KLHL24: variants seen among roughly 807,000 people sequenced by gnomAD.
KLHL24 encodes kelch-like protein 24.
KLHL24 carries 29 observed loss-of-function variants against 53.4 expected under a neutral mutation model. That is an observed-to-expected ratio of 0.54 (90% confidence interval 0.40 to 0.74). KLHL24 has a LOEUF of 0.74. Among genes scored for constraint, KLHL24 ranks in the 30% least tolerant of loss-of-function variants. The probability of loss-of-function intolerance (pLI) is 0.00; values close to 1 mark genes in which losing one functional copy is unlikely to be tolerated. For synonymous variants in KLHL24, 222 were observed against 253.7 expected (o/e 0.88, Z 1.19); for missense variants, 504 against 744.0 (o/e 0.68, Z 3.75).
intron 1 of KLHL24, among the ~76,000 whole-genome samples, chr3:183,640,312 G>A (rs1716175658): frequency 1.3e-5 from 2 of 152,168 alleles, no homozygotes; most frequent in Non-Finnish European, 2.9e-5. Flanking sequence ...TCGAGGGAGA[G>A]AAACACTGGA....
chr3:183,669,363 T>G (rs1721024461), intron 5 of KLHL24, among the ~76,000 whole-genome samples: 1 of 151,728 alleles, frequency 6.6e-6, no homozygotes, highest in African/African-American at 2.4e-5. Context: ...AAAAAAAAAA[T>G]TATAAAATTG....
At chr3:183,671,783 G>GATT (rs1721362063) in intron 6 of KLHL24, among the ~76,000 whole-genome samples, 1 of 152,160 alleles carries the variant, frequency 6.6e-6, no homozygotes, top group African/African-American at 2.4e-5. Flanking sequence ...AGCTGGTTTA[G>GATT]CACTGTTAAC....
rs1420858788 is a variant in KLHL24, at chr3:183,651,112, G to A, written c.756G>A (p.Leu252=). 2 of 1,614,140 alleles carry A rather than the reference G, an allele frequency of 1.2e-6. No individual in the cohort carries two copies. The highest frequency in any genetic ancestry group is 2.2e-5 in the South Asian group (2 of 91,082). The change falls in exon 3 of 8, where the codon CTG becomes CTA. Residue 252 remains leucine (L), a synonymous_variant. Coordinates refer to ENST00000242810, the MANE Select transcript of KLHL24 (RefSeq NM_017644.3). Reference sequence around the variant, plus strand: ...GAAGACCACTGTTACACGAGCTCCTGACACATGTGAGACTCCCTCTGTTGC... The same window carrying A: ...GAAGACCACTGTTACACGAGCTCCTAACACATGTGAGACTCCCTCTGTTGC... ...DLRRPLLHEL[L]THVRLPLLHP...
At chr3:183,649,703 G>A (rs893316523) in intron 2 of KLHL24, among the ~76,000 whole-genome samples, 1 of 150,962 alleles carries the variant, frequency 6.6e-6, no homozygotes, top group African/African-American at 2.4e-5. Context: ...ATCGCTTGAG[G>A]CCAGGAGTTC....
Position 183,680,478 on chromosome 3 carries a change from T to A in KLHL24, c.*1192T>A, listed in dbSNP as rs548175957. ...AATAGGATAAAGCAGGGACCACCTA[T>A]CTCAGTGGGTCCATTTTTCTTTTAA... is the stretch of plus-strand genomic sequence containing the variant. On this transcript the variant is annotated 3_prime_UTR_variant, in exon 8 of 8. Coordinates refer to ENST00000242810, the MANE Select transcript of KLHL24 (RefSeq NM_017644.3). The A allele has an allele frequency of 6.6e-6, 1 of 152,318 alleles. No homozygotes were observed. Among genetic ancestry groups the A allele is most frequent in the East Asian group, 1.9e-4 (1 of 5,190 alleles). 9.4% of individuals were successfully genotyped at this position (152,318 alleles called of 1,614,324 possible). A position where few individuals can be genotyped will look rare whatever the true frequency, so the allele number is the denominator to read the frequency against.
At chr3:183,659,223 A>G (rs1719348827) in intron 3 of KLHL24, among the ~76,000 whole-genome samples, 1 of 152,120 alleles carries the variant, frequency 6.6e-6, no homozygotes, top group Admixed American at 6.6e-5. Context: ...TCAAGCATAA[A>G]AGGGAAATTT....
intron 7 of KLHL24, among the ~76,000 whole-genome samples, chr3:183,674,295 C>CTTTCTTTCT (rs1553847676): frequency 6.8e-6 from 1 of 147,614 alleles, no homozygotes; most frequent in Non-Finnish European, 1.5e-5. Context: ...TTCTTTCTTT[C>CTTTCTTTCT]TTTCTTTCCT....
chr3:183,682,418 T>A lies in KLHL24; in HGVS notation c.*3132T>A, dbSNP rs1045347182. 1 of 152,568 alleles carries A rather than the reference T, an allele frequency of 6.6e-6. No individual in the cohort carries two copies. The highest frequency in any genetic ancestry group is 1.5e-5 in the Non-Finnish European group (1 of 68,012). The allele number at this position is 152,568 out of a possible 1,614,324, so 9.5% of individuals were successfully genotyped here. A position where few individuals can be genotyped will look rare whatever the true frequency, so the allele number is the denominator to read the frequency against. ...ATTGGATCTTCAGTAACCTTTTTAT[T>A]TCCTAGATGATTGAAATATAGGTAT... On this transcript the variant is annotated 3_prime_UTR_variant, in exon 8 of 8. Coordinates refer to ENST00000242810, the MANE Select transcript of KLHL24 (RefSeq NM_017644.3).
At chr3:183,648,130 T>C (rs1171902366) in intron 2 of KLHL24, among the ~76,000 whole-genome samples, 3 of 152,124 alleles carry the variant, frequency 2.0e-5, no homozygotes, top group Non-Finnish European at 4.4e-5. Context: ...ATGATGATGA[T>C]GGTAAAAGCT....
rs990955308 is a variant in KLHL24 at position 183,680,791 on chromosome 3, G to C, written c.*1505G>C. The C allele has an allele frequency of 2.0e-5, 3 of 152,086 alleles. No homozygotes were observed. The highest frequency in any genetic ancestry group is 4.4e-5 in the Non-Finnish European group (3 of 67,998). The allele number at this position is 152,086 out of a possible 1,614,324, so 9.4% of individuals were successfully genotyped here. A position where few individuals can be genotyped will look rare whatever the true frequency, so the allele number is the denominator to read the frequency against. On this transcript the variant is annotated 3_prime_UTR_variant, in exon 8 of 8. Coordinates refer to ENST00000242810, the MANE Select transcript of KLHL24 (RefSeq NM_017644.3). ...ACAACATTTAGGGATGTTCTAGGTAGCCTGCTGTAGTTTGACTTCCAGTCA... is the reference window on the plus strand; with the variant it reads ...ACAACATTTAGGGATGTTCTAGGTACCCTGCTGTAGTTTGACTTCCAGTCA...
chr3:183,664,751 C>T (rs1170122067), intron 4 of KLHL24, among the ~76,000 whole-genome samples, 170 bp from the exon 5 acceptor site: 1 of 152,138 alleles, frequency 6.6e-6, no homozygotes, highest in Non-Finnish European at 1.5e-5. Flanking sequence ...CTCTGTAGAA[C>T]TATTTCCATT....
Position 183,672,461 on chromosome 3 carries a change from G to A in KLHL24, c.1579G>A (p.Val527Ile), listed in dbSNP as rs569723103. 20 of 1,609,164 alleles carry A rather than the reference G, an allele frequency of 1.2e-5. No homozygotes were observed. Among genetic ancestry groups the A allele is most frequent in the Admixed American group, 3.4e-5 (2 of 59,306 alleles). ...YDPVEDYWMH[V>I]QNTFSRQENC... is the part of the protein sequence containing the mutation. ...TCCAGTTGAAGATTACTGGATGCACGTACAGAATACATTCAGCCGTCAGGT... is the reference window on the plus strand; with the variant it reads ...TCCAGTTGAAGATTACTGGATGCACATACAGAATACATTCAGCCGTCAGGT... Residue 527 changes from valine to isoleucine, a missense_variant, in exon 7 of 8, where the codon GTA becomes ATA. Val to Ile is a conservative substitution (Grantham distance 29). Coordinates refer to ENST00000242810, the MANE Select transcript of KLHL24 (RefSeq NM_017644.3).
Position 183,682,643 on chromosome 3 carries a change from A to C in KLHL24, c.*3357A>C, listed in dbSNP as rs1387066171. 6.6e-6 allele frequency: 1 copy of C among 152,602 alleles called. No homozygotes were observed. Among genetic ancestry groups the C allele is most frequent in the African/African-American group, 2.4e-5 (1 of 41,434 alleles). 9.5% of individuals were successfully genotyped at this position (152,602 alleles called of 1,614,324 possible). ...GATTCTTTTATACTTAAAAAGATGA[A>C]AATGTTTTGTGGACTGATACATTTT... On this transcript the variant is annotated 3_prime_UTR_variant, in exon 8 of 8. Coordinates refer to ENST00000242810, the MANE Select transcript of KLHL24 (RefSeq NM_017644.3).
Position 183,665,020 on chromosome 3 carries a change from T to C in KLHL24, c.1205T>C (p.Met402Thr), listed in dbSNP as rs781101723. 6.2e-7 allele frequency: 1 copy of C among 1,602,568 alleles called. No homozygotes were observed. The highest frequency in any genetic ancestry group is 1.1e-5 in the South Asian group (1 of 90,232). ...SLNKGRWRHK[M>T]AVLLGKVYVV... is the part of the protein sequence containing the mutation. Reference sequence around the variant, plus strand: ...AATAAAGGCAGATGGCGTCACAAAATGGCTGTCCTCCTTGGTAAAGTAAGA... The same window carrying C: ...AATAAAGGCAGATGGCGTCACAAAACGGCTGTCCTCCTTGGTAAAGTAAGA... The change falls in exon 5 of 8, where the codon ATG becomes ACG. Residue 402 changes from methionine to threonine, a missense_variant. By Grantham distance (81) the Met-to-Thr change is moderately conservative (BLOSUM62 -1). Transcript: ENST00000242810.
intron 2 of KLHL24, among the ~76,000 whole-genome samples, chr3:183,648,868 G>A (rs1213431355): frequency 6.6e-6 from 1 of 151,982 alleles, no homozygotes; most frequent in Non-Finnish European, 1.5e-5. Context: ...CGGGTGTGGT[G>A]GGTACGTGCC....
intron 6 of KLHL24, 41 bp downstream of exon 6, chr3:183,671,263 C>G: frequency 1.3e-6 from 2 of 1,552,780 alleles, no homozygotes; most frequent in Non-Finnish European, 1.8e-6. Flanking sequence ...ATATTAAGTA[C>G]AAGAAGGGAA....
chr3:183,670,909 T>G (rs1421208398), intron 5 of KLHL24, 125 bp from the exon 6 acceptor site: 1 of 667,212 alleles, frequency 1.5e-6, no homozygotes, highest in Non-Finnish European at 2.6e-6. Context: ...CTGAGCTAAA[T>G]ATATTGCAAT....
At chr3:183,652,176 G>T (rs1188470519) in intron 3 of KLHL24, among the ~76,000 whole-genome samples, 1 of 152,094 alleles carries the variant, frequency 6.6e-6, no homozygotes, top group Admixed American at 6.6e-5. Flanking sequence ...TCATTATAGA[G>T]AATTTGGAAA....
intron 1 of KLHL24, among the ~76,000 whole-genome samples, chr3:183,640,709 G>C (rs889406524): frequency 4.0e-5 from 6 of 149,680 alleles, no homozygotes; most frequent in African/African-American, 1.2e-4. Flanking sequence ...AAGCATTTCC[G>C]CTGCCTCAGC....
Sources: allele counts gnomAD v4.1 joint callset (sites outside exome capture counted in the v4.1 genomes callset), GRCh38; gene constraint gnomAD v4.1.1; transcripts MANE v1.5; gene names NCBI Gene and HGNC (gene_info 2026-07-23, HGNC 2026-07-21).